Variants in HAS3 observed in about 807,000 individuals in gnomAD.
The protein encoded by HAS3 is hyaluronan synthase 3.
Under a neutral mutation model 50.3 loss-of-function variants are expected in HAS3, and 27 were observed. The ratio of observed to expected loss-of-function variants is 0.54; its 90% CI spans 0.40 to 0.74. The LOEUF (loss-of-function observed/expected upper bound fraction) is 0.74. Among genes scored for constraint, HAS3 ranks in the 30% least tolerant of loss-of-function variants. HAS3 has a pLI of 0.00. For synonymous variants in HAS3, 339 were observed against 310.9 expected, an observed-to-expected ratio of 1.09 and a Z score of -0.95; for missense variants, 517 against 742.8, an observed-to-expected ratio of 0.70 and a Z score of 3.53.
At position 69,106,846 on chromosome 16, in the gene HAS3, G is replaced by T. The variant is rs1332754066; in HGVS notation, c.-1+1059G>T. 1 of 152,198 alleles carries T rather than the reference G, an allele frequency of 6.6e-6. No individual in the cohort carries two copies. The highest frequency in any genetic ancestry group is 2.4e-5 in the African/African-American group (1 of 41,464). The allele number at this position is 152,198 out of a possible 1,614,324, so 9.4% of individuals were successfully genotyped here. A position where few individuals can be genotyped will look rare whatever the true frequency, so the allele number is the denominator to read the frequency against. On this transcript the variant is annotated intron_variant, in intron 1 of 3. Coordinates refer to ENST00000569188, the MANE Select transcript of HAS3 (RefSeq NM_001199280.2). This position sits in a 1 kb window ranked among gnomAD's most constrained non-coding sequence, Gnocchi z 5.5. ...CGGGCACAAGAGGAGGAGCCCCGTT[G>T]GGCGCACAAGTTTCCATGCCGCTGC...
At chr16:69,118,462 A>T, downstream of HAS3, 2 of 1,580,136 alleles carry the variant, frequency 1.3e-6, no homozygotes, top group Non-Finnish European at 1.7e-6. Flanking sequence ...GAGAGCAGTG[A>T]GCTGATTCTC....
At position 69,107,582 on chromosome 16, in the gene HAS3, G is replaced by T. The variant is rs1032191844; in HGVS notation, c.-1+1795G>T. 4.1e-6 allele frequency: 4 copies of T among 985,218 alleles called. No homozygotes were observed. In the African/African-American group the frequency reaches 7.0e-5, roughly 17 times the overall value. 61.0% of individuals were successfully genotyped at this position (985,218 alleles called of 1,614,324 possible). On this transcript the variant is annotated intron_variant, in intron 1 of 3. Transcript: ENST00000569188. This position sits in a 1 kb window ranked among gnomAD's most constrained non-coding sequence, Gnocchi z 5.5. ...CTTTGACCTGGTGGGCGCCGCCTCC[G>T]GCACTGCACCGAGGCGGGGCGCCAG...
At chr16:69,110,137 C>T (rs1960951368) in intron 2 of HAS3, 106 bp downstream of exon 2, 1 of 1,149,360 alleles carries the variant, frequency 8.7e-7, no homozygotes, top group Non-Finnish European at 1.2e-6. Context: ...TTGGGTTGTG[C>T]ACACACCTGT....
Position 69,106,904 on chromosome 16 carries a change from G to C in HAS3, c.-1+1117G>C, listed in dbSNP as rs1465764209. ...CCTGCCGCGGGGCGCACCTGTCAGC[G>C]GGAGAGACGCTGCACACCAGCAGCC... On this transcript the variant is annotated intron_variant, in intron 1 of 3. Transcript: ENST00000569188. This position sits in a 1 kb window ranked among gnomAD's most constrained non-coding sequence, Gnocchi z 5.5. 1 of 152,264 alleles carries C rather than the reference G, an allele frequency of 6.6e-6. No homozygotes were observed. The highest frequency in any genetic ancestry group is 1.5e-5 in the Non-Finnish European group (1 of 68,052). 9.4% of individuals were successfully genotyped at this position (152,264 alleles called of 1,614,324 possible).
At chr16:69,101,188 C>T (rs887809420), upstream of HAS3, among the ~76,000 whole-genome samples, 2 of 152,250 alleles carry the variant, frequency 1.3e-5, no homozygotes, top group African/African-American at 4.8e-5. Flanking sequence ...TATTTGGTCA[C>T]TCCAAGTCCT....
At position 69,107,793 on chromosome 16, in the gene HAS3, G is replaced by A. The variant is rs1791504867; in HGVS notation, c.1-1603G>A. 3 of 766,306 alleles carry A rather than the reference G, an allele frequency of 3.9e-6. No homozygotes were observed. The highest frequency in any genetic ancestry group is 6.3e-5 in the Admixed American group (1 of 16,000). 47.5% of individuals were successfully genotyped at this position (766,306 alleles called of 1,614,324 possible). ...CGAGCAGTAGGGTGGCAACAGGGAG[G>A]GCTGGGAGTCCTGTGAAGGAAGCAC... On this transcript the variant is annotated intron_variant, in intron 1 of 3. Coordinates refer to ENST00000569188, the MANE Select transcript of HAS3 (RefSeq NM_001199280.2). The surrounding 1 kb of genome is among the most constrained non-coding windows in gnomAD (Gnocchi z 5.5).
Position 69,115,948 on chromosome 16 carries a change from A to G in HAS3, c.*682A>G. 1 of 985,876 alleles carries G rather than the reference A, an allele frequency of 1.0e-6. No homozygotes were observed. 61.1% of individuals were successfully genotyped at this position (985,876 alleles called of 1,614,324 possible). A position where few individuals can be genotyped will look rare whatever the true frequency, so the allele number is the denominator to read the frequency against. ...TAAAAAGGAAAGTTTGCCAGGAGGA[A>G]CAAAGAGATTGTGGTGGTGCTAAAG... On this transcript the variant is annotated 3_prime_UTR_variant, in exon 4 of 4. Coordinates refer to ENST00000569188, the MANE Select transcript of HAS3 (RefSeq NM_001199280.2).
the HAS3 span, among the ~76,000 whole-genome samples, chr16:69,099,337 A>AT: frequency 3.0e-4 from 40 of 131,200 alleles, no homozygotes; most frequent in East Asian, 4.3e-3. Context: ...CCTTTAATTC[A>AT]TTTTTTTTTT....
Position 69,116,789 on chromosome 16 carries a change from CCTGA to C in HAS3, c.*1526_*1529del, listed in dbSNP as rs1961202888. 16 of 985,254 alleles carry C rather than the reference CCTGA, an allele frequency of 1.6e-5. No homozygotes were observed. Among genetic ancestry groups the C allele is most frequent in the African/African-American group, 5.2e-5 (3 of 57,216 alleles). The allele number at this position is 985,254 out of a possible 1,614,324, so 61.0% of individuals were successfully genotyped here. The stretch of plus-strand genomic sequence containing the variant: ...GCGTTTTGAGTTTAAAACCTGGGAT[CCTGA>C]CTAAGCCTTTGACTTAAGGGTTGCT... On this transcript the variant is annotated 3_prime_UTR_variant, in exon 4 of 4. Transcript: ENST00000569188.
chr16:69,110,875 G>T (rs747519726), intron 2 of HAS3, among the ~76,000 whole-genome samples: 1 of 152,098 alleles, frequency 6.6e-6, no homozygotes, highest in African/African-American at 2.4e-5. Flanking sequence ...TCTAGTTATG[G>T]CCAAAAAGTC....
Position 69,117,027 on chromosome 16 carries a change from G to A in HAS3, c.*1761G>A. 1 of 985,472 alleles carries A rather than the reference G, an allele frequency of 1.0e-6. No individual in the cohort carries two copies. Among genetic ancestry groups the A allele is most frequent in the Non-Finnish European group, 1.2e-6 (1 of 829,914 alleles). 61.0% of individuals were successfully genotyped at this position (985,472 alleles called of 1,614,324 possible). ...AAGGGTTTTCCAGGTGTAGCTAACA[G>A]TTGCCACATCACACAGACCTCGAGT... On this transcript the variant is annotated 3_prime_UTR_variant, in exon 4 of 4. Transcript: ENST00000569188.
the HAS3 span, among the ~76,000 whole-genome samples, chr16:69,096,215 CA>C: frequency 0.068 from 3,938 of 58,116 alleles, 53 homozygotes; most frequent in Non-Finnish European, 0.091. Flanking sequence ...GACTCCGTCT[CA>C]AAAAAAAAAA....
intron 1 of HAS3, among the ~76,000 whole-genome samples, chr16:69,108,366 C>G (rs1484465053): frequency 6.6e-6 from 1 of 152,198 alleles, no homozygotes; most frequent in Non-Finnish European, 1.5e-5. Flanking sequence ...TCTCAGAGAA[C>G]TGGGGCAAGG....
At chr16:69,112,785 A>AG in intron 2 of HAS3, among the ~76,000 whole-genome samples, 1 of 152,336 alleles carries the variant, frequency 6.6e-6, no homozygotes, top group Admixed American at 6.5e-5. Context: ...AGCTGGGCAG[A>AG]GTTGGCCCTG....
chr16:69,107,733 C>A lies in HAS3; in HGVS notation c.1-1663C>A. 1 of 979,950 alleles carries A rather than the reference C, an allele frequency of 1.0e-6. No homozygotes were observed. Among genetic ancestry groups the A allele is most frequent in the Non-Finnish European group, 1.2e-6 (1 of 824,864 alleles). The allele number at this position is 979,950 out of a possible 1,614,324, so 60.7% of individuals were successfully genotyped here. ...GGGGAATGGGGGCGCTCCTAGGCTGCGGATGCAGGCCTGGGGACTCCTGGG... is the reference window on the plus strand; with the variant it reads ...GGGGAATGGGGGCGCTCCTAGGCTGAGGATGCAGGCCTGGGGACTCCTGGG... On this transcript the variant is annotated intron_variant, in intron 1 of 3. Transcript: ENST00000569188. This position sits in a 1 kb window ranked among gnomAD's most constrained non-coding sequence, Gnocchi z 5.5.
chr16:69,092,368 C>T, the HAS3 span, among the ~76,000 whole-genome samples: 2 of 152,046 alleles, frequency 1.3e-5, no homozygotes, highest in Non-Finnish European at 2.9e-5. Flanking sequence ...TTTGGGAGGC[C>T]GAGGCAGGTG....
chr16:69,097,003 CAA>C, the HAS3 span, among the ~76,000 whole-genome samples: 2 of 151,802 alleles, frequency 1.3e-5, no homozygotes, highest in Non-Finnish European at 2.9e-5. Context: ...CAAAAAAATA[CAA>C]AAAGTAGCCG....
upstream of HAS3, among the ~76,000 whole-genome samples, chr16:69,103,674 G>A (rs552862730): frequency 3.3e-5 from 5 of 152,276 alleles, no homozygotes; most frequent in Non-Finnish European, 7.4e-5. Context: ...TGGGATTACA[G>A]GTGTGAGCCA....
the HAS3 span, among the ~76,000 whole-genome samples, chr16:69,093,221 G>A: frequency 6.6e-6 from 1 of 152,036 alleles, no homozygotes; most frequent in Non-Finnish European, 1.5e-5. Flanking sequence ...TTTGTTTTTT[G>A]TTTTGTTTTT....
Sources: gnomAD v4.1 joint callset for allele counts (sites outside exome capture counted in the v4.1 genomes callset) on GRCh38, gnomAD v4.1.1 for gene constraint, Gnocchi (gnomAD v3.1) non-coding constraint, MANE v1.5 for transcripts, NCBI Gene and HGNC (gene_info 2026-07-23, HGNC 2026-07-21) for gene names.